The following ANKRD55 variants were observed in gnomAD, a reference collection of about 807,000 sequenced individuals.
ANKRD55 encodes the protein ankyrin repeat domain 55, also known as ankyrin repeat domain-containing protein 55.
ANKRD55 carries 41 observed loss-of-function variants against 60.6 expected under a neutral mutation model. The ratio of observed to expected loss-of-function variants is 0.68; its 90% confidence interval spans 0.53 to 0.88. The LOEUF is 0.88. Ranked by LOEUF, ANKRD55 falls within the 40% of genes least tolerant of loss-of-function variation. The pLI, the probability that ANKRD55 is intolerant of heterozygous loss-of-function variation, is 0.00. For missense variants in ANKRD55, 732 were observed against 767.6 expected, an observed-to-expected ratio of 0.95 and a Z score of 0.55; for synonymous variants, 264 against 290.3, an observed-to-expected ratio of 0.91 and a Z score of 0.92.
At chr5:56,157,835 A>G (rs1228299302) in intron 6 of ANKRD55, among the ~76,000 whole-genome samples, 1 of 152,078 alleles carries the variant, frequency 6.6e-6, no homozygotes, top group South Asian at 2.1e-4. Flanking sequence ...CGTCCTCCTT[A>G]TGCTGAGCGC....
chr5:56,127,716 G>A (rs1757311985), intron 7 of ANKRD55: 1 of 313,794 alleles, frequency 3.2e-6, no homozygotes, highest in Non-Finnish European at 4.6e-6. Flanking sequence ...GATAAAGTGA[G>A]AATTTCCAGA....
At position 56,125,370 on chromosome 5, in the gene ANKRD55, T is replaced by C. The variant is rs1438280527; in HGVS notation, c.797+1552A>G. Among the ~76,000 whole-genome samples the C allele has an allele frequency of 3.9e-5, 6 of 151,938 alleles. No individual in the cohort carries two copies. The East Asian group carries it at 1.2e-3, about 29-fold the overall frequency. ...ATCTTGGCTCACTGCAACCTCTGCC[T>C]CTTGGGTTCAAGCGATTCTCCTGCC... is the stretch of plus-strand genomic sequence containing the variant. On this transcript the variant is annotated intron_variant, in intron 8 of 11. Transcript: ENST00000341048.
rs17702708 is a variant in ANKRD55 at position 56,146,259 on chromosome 5, G to A, written c.484-2330C>T. 7.8e-3 allele frequency among the ~76,000 whole-genome samples: 1,186 copies of A among 152,086 alleles called. 7 individuals are homozygous for A. The highest frequency in any genetic ancestry group is 0.011 in the Non-Finnish European group (771 of 67,998). On this transcript the variant is annotated intron_variant, in intron 6 of 11. Coordinates refer to ENST00000341048, the MANE Select transcript of ANKRD55 (RefSeq NM_024669.3). ...AGATGCTGAGTAAACACTTATTAAC[G>A]GAACGAATGACTTACTATGCTCCAC...
chr5:56,111,015 C>T, intron 10 of ANKRD55, 103 bp downstream of exon 10: 2 of 1,365,714 alleles, frequency 1.5e-6, no homozygotes, highest in East Asian at 4.6e-5. Flanking sequence ...TTATTCTCAC[C>T]CTGCCTTCTA....
chr5:56,211,891 G>T (rs159571), intron 2 of ANKRD55, among the ~76,000 whole-genome samples: 49,970 of 151,996 alleles, frequency 0.33, 9,802 homozygotes, highest in African/African-American at 0.54. Context: ...AAGGCTAGTG[G>T]TAATAGCACA....
At position 56,163,243 on chromosome 5, in the gene ANKRD55, G is replaced by C. The variant is rs191759302; in HGVS notation, c.423-3350C>G. ...CCTGAGGCCCTTCCTGGCTTGCCAA[G>C]ACCACCATACAGTGGCTCAGTGATA... On this transcript the variant is annotated intron_variant, in intron 5 of 11. Transcript: ENST00000341048. 9.2e-5 allele frequency among the ~76,000 whole-genome samples: 14 copies of C among 152,270 alleles called. No homozygotes were observed. In the East Asian group the frequency reaches 2.3e-3, roughly 25 times the overall value.
At chr5:56,217,951 T>C (rs1759864016) in intron 2 of ANKRD55, among the ~76,000 whole-genome samples, 2 of 151,818 alleles carry the variant, frequency 1.3e-5, no homozygotes, top group Non-Finnish European at 1.5e-5. Context: ...ATTTCAACTC[T>C]CCAAACAGGA....
At chr5:56,166,333 C>A (rs1466566607) in intron 5 of ANKRD55, among the ~76,000 whole-genome samples, 1 of 151,470 alleles carries the variant, frequency 6.6e-6, no homozygotes, top group East Asian at 1.9e-4. Flanking sequence ...TCATAGCTCA[C>A]CGCAGCCTCG....
At position 56,219,834 on chromosome 5, in the gene ANKRD55, AC is replaced by A. The variant is rs368481721; in HGVS notation, c.58+13021del. Among the ~76,000 whole-genome samples, 140 of 152,368 alleles carry A rather than the reference AC, an allele frequency of 9.2e-4. 3 individuals carry two copies. In the Middle Eastern group the frequency reaches 0.027, roughly 30 times the overall value. The stretch of plus-strand genomic sequence containing the variant: ...CTCATGCTTGTTTTGTAATAAAAAA[AC>A]AGCTACAAGCTTATTGTAGTTTCTT... On this transcript the variant is annotated intron_variant, in intron 2 of 11. Transcript: ENST00000341048.
intron 2 of ANKRD55, among the ~76,000 whole-genome samples, chr5:56,221,565 G>A (rs550942929): frequency 1.3e-5 from 2 of 152,236 alleles, no homozygotes; most frequent in Non-Finnish European, 2.9e-5. Flanking sequence ...CACGCGGGAA[G>A]CGCAAGGGGT....
chr5:56,100,843 C>G (rs548452511), intron 11 of ANKRD55, among the ~76,000 whole-genome samples: 1 of 152,306 alleles, frequency 6.6e-6, no homozygotes, highest in South Asian at 2.1e-4. Context: ...TCTCCAAGCT[C>G]CAACAGCATT....
intron 6 of ANKRD55, among the ~76,000 whole-genome samples, chr5:56,153,569 G>A (rs150196631): frequency 2.0e-5 from 3 of 152,320 alleles, no homozygotes; most frequent in South Asian, 2.1e-4. Flanking sequence ...GCTGGGTGCC[G>A]TGGCTCACGC....
intron 2 of ANKRD55, among the ~76,000 whole-genome samples, chr5:56,184,173 C>T (rs570931402): frequency 6.6e-5 from 10 of 152,334 alleles, no homozygotes; most frequent in East Asian, 3.9e-4. Flanking sequence ...ATGAGAGGCA[C>T]GGGCAGGAGC....
At chr5:56,102,746 T>A (rs992853730) in intron 10 of ANKRD55, among the ~76,000 whole-genome samples, 160 bp from the exon 11 acceptor site, 2 of 152,230 alleles carry the variant, frequency 1.3e-5, no homozygotes, top group Non-Finnish European at 2.9e-5. Context: ...ATTGCATTTC[T>A]GTTATATACC....
intron 2 of ANKRD55, among the ~76,000 whole-genome samples, chr5:56,227,506 A>C (rs2111899038): frequency 6.6e-6 from 1 of 152,222 alleles, no homozygotes; most frequent in East Asian, 1.9e-4. Flanking sequence ...AAAAACAAAC[A>C]AAAAAACCCC....
At chr5:56,211,986 G>A (rs1759683992) in intron 2 of ANKRD55, among the ~76,000 whole-genome samples, 1 of 151,080 alleles carries the variant, frequency 6.6e-6, no homozygotes, top group Non-Finnish European at 1.5e-5. Context: ...TTCTCATATT[G>A]AAGCACAGAA....
At chr5:56,211,226 A>G (rs1759664974) in intron 2 of ANKRD55, among the ~76,000 whole-genome samples, 1 of 152,202 alleles carries the variant, frequency 6.6e-6, no homozygotes, top group African/African-American at 2.4e-5. Flanking sequence ...GAAAAACAGT[A>G]TCTCCGAGTC....
intron 3 of ANKRD55, among the ~76,000 whole-genome samples, chr5:56,180,511 A>G (rs1283543888): frequency 6.6e-6 from 1 of 152,216 alleles, no homozygotes; most frequent in Non-Finnish European, 1.5e-5. Flanking sequence ...TCTCTTCAGA[A>G]TTTGCGCTAA....
intron 2 of ANKRD55, among the ~76,000 whole-genome samples, chr5:56,207,484 G>T (rs114239831): frequency 2.6e-5 from 4 of 152,164 alleles, no homozygotes; most frequent in South Asian, 4.2e-4. Flanking sequence ...TGATTTTGTC[G>T]TTATGAGAAC....
Sources: allele counts gnomAD v4.1 joint callset (sites outside exome capture counted in the v4.1 genomes callset), GRCh38; gene constraint gnomAD v4.1.1; transcripts MANE v1.5; gene names NCBI Gene and HGNC (gene_info 2026-07-23, HGNC 2026-07-21).